The following MKX variants were observed in gnomAD, a reference collection of about 807,000 sequenced individuals.
MKX encodes the protein mohawk homeobox.
A neutral mutation model predicts 36.0 loss-of-function variants in MKX; 13 were observed. The observed-to-expected ratio is 0.36, with a 90% confidence interval of 0.24 to 0.57. The LOEUF is 0.57. Among genes scored for constraint, MKX ranks in the 20% least tolerant of loss-of-function variants. The pLI, the probability that MKX is intolerant of heterozygous loss-of-function variation, is 0.79. For synonymous variants in MKX, 176 were observed against 178.3 expected, an observed-to-expected ratio of 0.99 and a Z score of 0.10; for missense variants, 458 against 456.4, an observed-to-expected ratio of 1.00 and a Z score of -0.03.
intron 5 of MKX, among the ~76,000 whole-genome samples, chr10:27,729,292 C>CTTTT (rs57352901): frequency 1.6e-4 from 19 of 118,066 alleles, no homozygotes; most frequent in Non-Finnish European, 2.7e-4. Flanking sequence ...TGCACTAGGC[C>CTTTT]TTTTTTTTTT....
intron 1 of MKX, 63 bp from the exon 2 acceptor site, chr10:27,743,560 AG>A (rs1834971125): frequency 1.1e-6 from 1 of 911,666 alleles, no homozygotes; most frequent in South Asian, 2.2e-5. Context: ...CTGCAGGTTC[AG>A]GGCCTTGAAC....
intron 5 of MKX, among the ~76,000 whole-genome samples, chr10:27,717,781 C>T (rs1292863173): frequency 1.3e-5 from 2 of 152,236 alleles, no homozygotes; most frequent in Admixed American, 6.5e-5. Flanking sequence ...AACTCGACCT[C>T]ATCAGCGTGA....
chr10:27,686,719 C>T (rs78988084), intron 5 of MKX, among the ~76,000 whole-genome samples: 10,554 of 152,228 alleles, frequency 0.069, 623 homozygotes, highest in East Asian at 0.3. Flanking sequence ...TCAGGTGATC[C>T]GCCCGCCTTG....
chr10:27,696,210 G>T (rs777204515), intron 5 of MKX, among the ~76,000 whole-genome samples: 5 of 152,102 alleles, frequency 3.3e-5, no homozygotes, highest in Non-Finnish European at 7.4e-5. Context: ...TATTCAAAAA[G>T]GTTTGGGGCA....
At chr10:27,682,098 C>T (rs1211927657) in intron 5 of MKX, among the ~76,000 whole-genome samples, 4 of 151,954 alleles carry the variant, frequency 2.6e-5, no homozygotes, top group African/African-American at 9.7e-5. Context: ...TGAGCCTTAC[C>T]CTGTGCAGGC....
At chr10:27,704,670 T>C (rs2132532290) in intron 5 of MKX, among the ~76,000 whole-genome samples, 1 of 152,298 alleles carries the variant, frequency 6.6e-6, no homozygotes, top group South Asian at 2.1e-4. Context: ...GACATTTTTG[T>C]CACACCATAT....
At chr10:27,727,774 C>T (rs908547195) in intron 5 of MKX, among the ~76,000 whole-genome samples, 1 of 152,114 alleles carries the variant, frequency 6.6e-6, no homozygotes, top group African/African-American at 2.4e-5. Flanking sequence ...TTGTGATTAA[C>T]CCTGAGGTTA....
Position 27,718,983 on chromosome 10 carries a change from G to A in MKX, c.838+15473C>T, listed in dbSNP as rs1834312356. Among the ~76,000 whole-genome samples the A allele has an allele frequency of 2.6e-5, 4 of 152,174 alleles. No individual in the cohort carries two copies. In the South Asian group the frequency reaches 8.3e-4, roughly 32 times the overall value. On this transcript the variant is annotated intron_variant, in intron 5 of 6. Coordinates refer to ENST00000419761, the MANE Select transcript of MKX (RefSeq NM_173576.3). ...AAATTCTCCATAAAAACTCTCAGAA[G>A]TAAGGAAAACATCTTTTACCATAAA...
chr10:27,692,453 T>C (rs1357292973), intron 5 of MKX, among the ~76,000 whole-genome samples: 1 of 152,234 alleles, frequency 6.6e-6, no homozygotes, highest in Non-Finnish European at 1.5e-5. Flanking sequence ...CCCTCCTTCT[T>C]CTAACTGGAA....
intron 5 of MKX, among the ~76,000 whole-genome samples, chr10:27,708,680 A>C (rs905584129): frequency 6.7e-6 from 1 of 148,304 alleles, no homozygotes; most frequent in Non-Finnish European, 1.5e-5. Flanking sequence ...GTGAGCCAGG[A>C]TGATGCCACT....
intron 5 of MKX, among the ~76,000 whole-genome samples, chr10:27,676,460 C>A (rs1399669329): frequency 6.6e-6 from 1 of 151,128 alleles, no homozygotes; most frequent in Non-Finnish European, 1.5e-5. Flanking sequence ...TCACTGCAAC[C>A]TCCACCTCCC....
intron 5 of MKX, among the ~76,000 whole-genome samples, chr10:27,694,129 C>A (rs1247285745): frequency 2.0e-5 from 3 of 152,078 alleles, no homozygotes; most frequent in Non-Finnish European, 4.4e-5. Context: ...TGATAAATCA[C>A]CCAGTCTTGG....
rs374882715 is a variant in MKX, at chr10:27,742,617, GC to G, written c.188+610del. On this transcript the variant is annotated intron_variant, in intron 2 of 6. Transcript: ENST00000419761. The surrounding 1 kb of genome is among the most constrained non-coding windows in gnomAD (Gnocchi z 4.2). ...GCAGCTGGCCCACCCGCAAGCTACCGCCCCCCCCAGCATACCCCTCACCCCG... is the reference window on the plus strand; with the variant it reads ...GCAGCTGGCCCACCCGCAAGCTACCGCCCCCCCAGCATACCCCTCACCCCG... Among the ~76,000 whole-genome samples the G allele has an allele frequency of 6.3e-3, 944 of 149,536 alleles. 7 individuals are homozygous for G. The highest frequency in any genetic ancestry group is 0.021 in the African/African-American group (871 of 40,730).
At chr10:27,682,645 G>A (rs1300075432) in intron 5 of MKX, among the ~76,000 whole-genome samples, 1 of 152,136 alleles carries the variant, frequency 6.6e-6, no homozygotes, top group Non-Finnish European at 1.5e-5. Flanking sequence ...GGATAAAACA[G>A]TTCCACCTCG....
rs1163589722 is a variant in MKX, at chr10:27,675,012, G to C, written c.*217C>G. 4 of 450,020 alleles carry C rather than the reference G, an allele frequency of 8.9e-6. No homozygotes were observed. The East Asian group carries it at 1.5e-4, about 17-fold the overall frequency. The allele number at this position is 450,020 out of a possible 1,614,324, so 27.9% of individuals were successfully genotyped here. On this transcript the variant is annotated 3_prime_UTR_variant, in exon 7 of 7. Transcript: ENST00000419761. ...TGGTAATGCAGATGTTTTATGCATAGTTTGAGTAACATAAAATAAGTTAAT... is the reference window on the plus strand; with the variant it reads ...TGGTAATGCAGATGTTTTATGCATACTTTGAGTAACATAAAATAAGTTAAT...
intron 5 of MKX, among the ~76,000 whole-genome samples, chr10:27,721,901 A>AATAAGT (rs1834388017): frequency 6.6e-6 from 1 of 152,184 alleles, no homozygotes; most frequent in Non-Finnish European, 1.5e-5. Context: ...GTAGTATTTC[A>AATAAGT]AATCAATAAG....
rs986369383 is a variant in MKX at position 27,675,121 on chromosome 10, A to G, written c.*108T>C. 2.9e-5 allele frequency: 29 copies of G among 990,634 alleles called. No individual in the cohort carries two copies. Among genetic ancestry groups the G allele is most frequent in the Non-Finnish European group, 4.3e-5 (29 of 679,694 alleles). 61.4% of individuals were successfully genotyped at this position (990,634 alleles called of 1,614,324 possible). On this transcript the variant is annotated 3_prime_UTR_variant, in exon 7 of 7. Coordinates refer to ENST00000419761, the MANE Select transcript of MKX (RefSeq NM_173576.3). ...GATATATTTGGGATAATTAAAAATA[A>G]GAAGAGGTTTGGGAGAGAGTCATTT... is the stretch of plus-strand genomic sequence containing the variant.
intron 5 of MKX, among the ~76,000 whole-genome samples, chr10:27,686,884 G>A (rs2132503099): frequency 6.6e-6 from 1 of 152,236 alleles, no homozygotes; most frequent in East Asian, 1.9e-4. Context: ...GGCCCCTCAT[G>A]ATGGCTAATG....
At chr10:27,719,615 G>C (rs1052588909) in intron 5 of MKX, among the ~76,000 whole-genome samples, 1 of 151,990 alleles carries the variant, frequency 6.6e-6, no homozygotes, top group African/African-American at 2.4e-5. Flanking sequence ...TGACAAAGTA[G>C]TGATAAGAAA....
Sources: allele counts gnomAD v4.1 joint callset (sites outside exome capture counted in the v4.1 genomes callset), GRCh38; gene constraint gnomAD v4.1.1; non-coding constraint Gnocchi (gnomAD v3.1); transcripts MANE v1.5; gene names NCBI Gene and HGNC (gene_info 2026-07-23, HGNC 2026-07-21).